CTBS: variants seen among roughly 807,000 people sequenced by gnomAD.
The protein encoded by CTBS is chitobiase, also known as di-N-acetylchitobiase.
A neutral mutation model predicts 44.3 loss-of-function variants in CTBS; 35 were observed. The observed-to-expected ratio is 0.79, with a 90% CI of 0.60 to 1.05. CTBS has a LOEUF of 1.05. CTBS is among the 50% of genes least tolerant of loss of function. The pLI, the probability that CTBS is intolerant of heterozygous loss-of-function variation, is 0.00. For synonymous variants in CTBS, 143 were observed against 168.0 expected (o/e 0.85, Z 1.15); for missense variants, 458 against 475.3 (o/e 0.96, Z 0.34).
intron 6 of CTBS, among the ~76,000 whole-genome samples, chr1:84,555,704 T>C (rs1684409683): frequency 6.6e-6 from 1 of 152,218 alleles, no homozygotes; most frequent in South Asian, 2.1e-4. Context: ...TCTGAATCAC[T>C]TGCGGAGCTT....
At chr1:84,565,069 G>A (rs1186482082) in intron 4 of CTBS, among the ~76,000 whole-genome samples, 3 of 151,748 alleles carry the variant, frequency 2.0e-5, no homozygotes, top group Admixed American at 6.6e-5. Flanking sequence ...ATATTAGCTG[G>A]GCATGGTGGC....
intron 4 of CTBS, among the ~76,000 whole-genome samples, chr1:84,564,621 C>T: frequency 6.6e-6 from 1 of 152,182 alleles, no homozygotes; most frequent in South Asian, 2.1e-4. Flanking sequence ...GATCTTCCCA[C>T]CTCAGCCTCC....
chr1:84,561,483 G>A (rs985226960), intron 6 of CTBS, among the ~76,000 whole-genome samples: 28 of 152,192 alleles, frequency 1.8e-4, no homozygotes, highest in African/African-American at 6.5e-4. Flanking sequence ...AACAGCAAAG[G>A]ATTTAGAATA....
intron 6 of CTBS, among the ~76,000 whole-genome samples, chr1:84,558,334 G>T (rs1259456131): frequency 6.6e-6 from 1 of 150,574 alleles, no homozygotes; most frequent in Non-Finnish European, 1.5e-5. Flanking sequence ...CTGTCGCCCA[G>T]GCTGGAGTGC....
In CTBS at chr1:84,550,574, T is replaced by G; in HGVS notation, c.*4425A>C. The G allele has an allele frequency of 1.4e-6, 2 of 1,451,242 alleles. No homozygotes were observed. Among genetic ancestry groups the G allele is most frequent in the Non-Finnish European group, 1.8e-6 (2 of 1,096,078 alleles). 89.9% of individuals were successfully genotyped at this position (1,451,242 alleles called of 1,614,324 possible). A position where few individuals can be genotyped will look rare whatever the true frequency, so the allele number is the denominator to read the frequency against. On this transcript the variant is annotated 3_prime_UTR_variant, in exon 7 of 7. Transcript: ENST00000370630. ...AATCAGATTATTATAACATTTATCTTGAAATAAAATATTTTGGTGTTTTAA... is the reference window on the plus strand; with the variant it reads ...AATCAGATTATTATAACATTTATCTGGAAATAAAATATTTTGGTGTTTTAA...
In CTBS at chr1:84,553,156, A is replaced by C. The variant is rs932312497; in HGVS notation, c.*1843T>G. 8 of 1,230,566 alleles carry C rather than the reference A, an allele frequency of 6.5e-6. No individual in the cohort carries two copies. Among genetic ancestry groups the C allele is most frequent in the African/African-American group, 3.1e-5 (2 of 64,538 alleles). 76.2% of individuals were successfully genotyped at this position (1,230,566 alleles called of 1,614,324 possible). The stretch of plus-strand genomic sequence containing the variant: ...TAATTTAAAACTTTTATTTGTAAAA[A>C]AATTTAAATATGTATTTGAACAGAT... On this transcript the variant is annotated 3_prime_UTR_variant, in exon 7 of 7. Transcript: ENST00000370630.
chr1:84,570,804 T>C (rs1647279291), intron 1 of CTBS, 84 bp from the exon 2 acceptor site: 4 of 1,332,138 alleles, frequency 3.0e-6, no homozygotes, highest in Non-Finnish European at 3.1e-6. Flanking sequence ...AACATCACCA[T>C]ACACCAAACA....
rs776668169 is a variant in CTBS, at chr1:84,555,130, T to A, written c.1027A>T (p.Ile343Leu). 1.2e-5 allele frequency: 19 copies of A among 1,613,930 alleles called. No homozygotes were observed. In the Admixed American group the frequency reaches 3.0e-4, roughly 25 times the overall value. ...PQSISLKATY[I>L]QNYRLRGIGM... ...ATGCCCCGTAAGCGATAGTTTTGTA[T>A]ATATGTTGCCTTTAAAGAAATACTC... Residue 343 changes from isoleucine to leucine, a missense_variant, in exon 7 of 7, where the codon ATA (isoleucine) becomes TTA (leucine). Transcript: ENST00000370630.
chr1:84,568,510 T>C (rs966581981), intron 3 of CTBS, among the ~76,000 whole-genome samples: 5 of 152,216 alleles, frequency 3.3e-5, no homozygotes, highest in African/African-American at 1.2e-4. Context: ...CAAATTATTT[T>C]ACCTGTAATT....
intron 3 of CTBS, among the ~76,000 whole-genome samples, chr1:84,566,881 G>A (rs763288567): frequency 2.0e-5 from 3 of 152,128 alleles, no homozygotes; most frequent in South Asian, 2.1e-4. Context: ...CTGATCTGCC[G>A]ATCTCAGCCT....
intron 4 of CTBS, 116 bp from the exon 5 acceptor site, chr1:84,563,948 A>G: frequency 8.4e-7 from 1 of 1,192,354 alleles, no homozygotes; most frequent in Non-Finnish European, 1.1e-6. Flanking sequence ...TATAAAAAAC[A>G]CTAATATTGT....
chr1:84,562,761 T>C (rs950940013), intron 6 of CTBS, among the ~76,000 whole-genome samples: 6 of 152,234 alleles, frequency 3.9e-5, no homozygotes, highest in African/African-American at 1.4e-4. Flanking sequence ...GTTTTGACAT[T>C]GCTTTATAAT....
chr1:84,569,856 T>C, intron 3 of CTBS, 75 bp downstream of exon 3: 1 of 1,237,038 alleles, frequency 8.1e-7, no homozygotes, highest in South Asian at 1.3e-5. Context: ...AAACAAAGAT[T>C]ATATTAGTTA....
At chr1:84,557,790 G>A (rs1326365793) in intron 6 of CTBS, among the ~76,000 whole-genome samples, 5 of 151,272 alleles carry the variant, frequency 3.3e-5, no homozygotes, top group Admixed American at 1.3e-4. Flanking sequence ...CCCGGGAGGC[G>A]GAGCTTGCAG....
intron 1 of CTBS, among the ~76,000 whole-genome samples, chr1:84,572,313 T>C (rs1156798745): frequency 6.6e-6 from 1 of 152,104 alleles, no homozygotes; most frequent in Non-Finnish European, 1.5e-5. Context: ...AAATTCATAA[T>C]GTGAAATTAA....
At chr1:84,565,443 A>G (rs904696801) in intron 4 of CTBS, among the ~76,000 whole-genome samples, 20 of 152,204 alleles carry the variant, frequency 1.3e-4, no homozygotes, top group Admixed American at 3.9e-4. Flanking sequence ...TATCTTTGCT[A>G]TTATTTAACA....
rs1282134211 is a variant in CTBS at position 84,553,083 on chromosome 1, G to C, written c.*1916C>G. 6.6e-7 allele frequency: 1 copy of C among 1,522,640 alleles called. No homozygotes were observed. Among genetic ancestry groups the C allele is most frequent in the Non-Finnish European group, 8.8e-7 (1 of 1,136,908 alleles). The allele number at this position is 1,522,640 out of a possible 1,614,324, so 94.3% of individuals were successfully genotyped here. A position where few individuals can be genotyped will look rare whatever the true frequency, so the allele number is the denominator to read the frequency against. On this transcript the variant is annotated 3_prime_UTR_variant, in exon 7 of 7. Transcript: ENST00000370630. ...TTTACGAACATTGAAAACTGAACTG[G>C]CACAGAAAAAAAAAATAATACATCT...
chr1:84,570,999 G>A (rs533582790), intron 1 of CTBS, among the ~76,000 whole-genome samples: 7 of 152,120 alleles, frequency 4.6e-5, no homozygotes, highest in South Asian at 4.1e-4. Context: ...TATGGCCGAC[G>A]TCTAGAATTT....
In CTBS at chr1:84,551,981, T is replaced by C. The variant is rs1009767597; in HGVS notation, c.*3018A>G. ...ATGTCACTCATGGTTTGAACTCAAA[T>C]TAGAATTGTTCATACAAAAACAGTA... is the stretch of plus-strand genomic sequence containing the variant. On this transcript the variant is annotated 3_prime_UTR_variant, in exon 7 of 7. Coordinates refer to ENST00000370630, the MANE Select transcript of CTBS (RefSeq NM_004388.3). 2 of 152,018 alleles carry C rather than the reference T, an allele frequency of 1.3e-5. No individual in the cohort carries two copies. Among genetic ancestry groups the C allele is most frequent in the Non-Finnish European group, 2.9e-5 (2 of 67,974 alleles). 9.4% of individuals were successfully genotyped at this position (152,018 alleles called of 1,614,324 possible). A position where few individuals can be genotyped will look rare whatever the true frequency, so the allele number is the denominator to read the frequency against.
Sources: allele counts gnomAD v4.1 joint callset (sites outside exome capture counted in the v4.1 genomes callset), GRCh38; gene constraint gnomAD v4.1.1; transcripts MANE v1.5; gene names NCBI Gene and HGNC (gene_info 2026-07-23, HGNC 2026-07-21).